Variants in ADAMTS19 observed in about 807,000 individuals in gnomAD.
ADAMTS19 encodes A disintegrin and metalloproteinase with thrombospondin motifs 19.
ADAMTS19 carries 93 observed loss-of-function variants against 153.3 expected under a neutral mutation model. The ratio of observed to expected loss-of-function variants is 0.61; its 90% CI spans 0.51 to 0.72. The LOEUF (loss-of-function observed/expected upper bound fraction) is 0.72, where lower values mean the gene tolerates loss of function less well. Among genes scored for constraint, ADAMTS19 ranks in the 30% least tolerant of loss-of-function variants. ADAMTS19 has a pLI of 0.00. For missense variants in ADAMTS19, 1,482 were observed against 1,552.1 expected, an observed-to-expected ratio of 0.95 and a Z score of 0.76; for synonymous variants, 600 against 556.6, an observed-to-expected ratio of 1.08 and a Z score of -1.10.
chr5:129,470,935 T>C (rs1750042742), intron 2 of ADAMTS19, among the ~76,000 whole-genome samples: 1 of 152,130 alleles, frequency 6.6e-6, no homozygotes, highest in African/African-American at 2.4e-5. Flanking sequence ...ACTCTTTTTG[T>C]AGTCTACTAG....
At chr5:129,595,987 C>T (rs1750356651) in intron 7 of ADAMTS19, among the ~76,000 whole-genome samples, 1 of 151,862 alleles carries the variant, frequency 6.6e-6, no homozygotes, top group African/African-American at 2.4e-5. Flanking sequence ...TACTATGCAA[C>T]ACACCATTTA....
intron 21 of ADAMTS19, among the ~76,000 whole-genome samples, chr5:129,723,465 A>G (rs1035273645): frequency 6.6e-6 from 1 of 152,190 alleles, no homozygotes; most frequent in African/African-American, 2.4e-5. Flanking sequence ...CTTGTTACCA[A>G]GTTGATTTGC....
chr5:129,591,481 T>C (rs989703848), intron 7 of ADAMTS19, among the ~76,000 whole-genome samples: 10 of 151,746 alleles, frequency 6.6e-5, no homozygotes, highest in Non-Finnish European at 1.0e-4. Flanking sequence ...TTAGTAGAGA[T>C]GGAGTTTCAC....
At chr5:129,467,081 A>G (rs1183351452) in intron 2 of ADAMTS19, among the ~76,000 whole-genome samples, 1 of 152,220 alleles carries the variant, frequency 6.6e-6, no homozygotes, top group Non-Finnish European at 1.5e-5. Context: ...ATATTTAAAT[A>G]TTGATTAAAT....
At position 129,701,612 on chromosome 5, in the gene ADAMTS19, C is replaced by A. The variant is rs1284313852; in HGVS notation, c.3159+20C>A. ...TCTGAGGTGCATACATGCCCCCTTTCTTTCCCCATTCCTACTCTGACTCCT... is the reference window on the plus strand; with the variant it reads ...TCTGAGGTGCATACATGCCCCCTTTATTTCCCCATTCCTACTCTGACTCCT... On this transcript the variant is annotated intron_variant, in intron 20 of 22. Coordinates refer to ENST00000274487, the MANE Select transcript of ADAMTS19 (RefSeq NM_133638.6). 1 of 1,611,870 alleles carries A rather than the reference C, an allele frequency of 6.2e-7. No individual in the cohort carries two copies. The highest frequency in any genetic ancestry group is 8.5e-7 in the Non-Finnish European group (1 of 1,178,614).
At chr5:129,665,941 C>T (rs1754034549) in intron 16 of ADAMTS19, among the ~76,000 whole-genome samples, 2 of 147,132 alleles carry the variant, frequency 1.4e-5, no homozygotes, top group Middle Eastern at 3.6e-3. Flanking sequence ...TACATACATT[C>T]ATATATACAT....
chr5:129,524,998 T>G (rs1751957527), intron 3 of ADAMTS19, among the ~76,000 whole-genome samples: 1 of 152,150 alleles, frequency 6.6e-6, no homozygotes, highest in African/African-American at 2.4e-5. Flanking sequence ...TTCCATAGTT[T>G]CACATGTTAC....
In ADAMTS19 at chr5:129,461,095, C is replaced by T. The variant is rs1749635254; in HGVS notation, c.92-7C>T. 3.6e-6 allele frequency: 5 copies of T among 1,389,884 alleles called. No homozygotes were observed. The highest frequency in any genetic ancestry group is 4.7e-6 in the Non-Finnish European group (5 of 1,073,556). The allele number at this position is 1,389,884 out of a possible 1,614,324, so 86.1% of individuals were successfully genotyped here. ...AAGCCCCGCACTTCTGTCTGCCCCGCCCGCAGAGCTGCAGTTCGCCCCCGA... is the reference window on the plus strand; with the variant it reads ...AAGCCCCGCACTTCTGTCTGCCCCGTCCGCAGAGCTGCAGTTCGCCCCCGA... On this transcript the variant is annotated splice_polypyrimidine_tract_variant and splice_region_variant and intron_variant, in intron 1 of 22. Coordinates refer to ENST00000274487, the MANE Select transcript of ADAMTS19 (RefSeq NM_133638.6). This position sits in a 1 kb window ranked among gnomAD's most constrained non-coding sequence, Gnocchi z 4.6.
chr5:129,734,951 A>G lies in ADAMTS19; in HGVS notation c.3332A>G (p.Lys1111Arg), dbSNP rs1187950384. ...TCCTAGTGCTCAATTACCTGTGGCA[A>G]AGGAATGCAGTCCCGTGTAATCCAA... ...DWSKCSITCG[K>R]GMQSRVIQCM... Residue 1111 changes from lysine (K) to arginine (R), a missense_variant, in exon 22 of 23, where the codon AAA becomes AGA. Lys to Arg is a conservative substitution (Grantham distance 26). Coordinates refer to ENST00000274487, the MANE Select transcript of ADAMTS19 (RefSeq NM_133638.6). The G allele has an allele frequency of 6.3e-7, 1 of 1,584,880 alleles. No homozygotes were observed. Among genetic ancestry groups the G allele is most frequent in the Non-Finnish European group, 8.6e-7 (1 of 1,168,792 alleles).
At chr5:129,497,317 A>G (rs950184074) in intron 2 of ADAMTS19, among the ~76,000 whole-genome samples, 5 of 151,854 alleles carry the variant, frequency 3.3e-5, no homozygotes, top group African/African-American at 1.2e-4. Context: ...TCCCAGTGTT[A>G]GGGTCCTCAG....
At chr5:129,581,099 C>A (rs909133803) in intron 7 of ADAMTS19, among the ~76,000 whole-genome samples, 2 of 152,218 alleles carry the variant, frequency 1.3e-5, no homozygotes, top group Non-Finnish European at 2.9e-5. Context: ...TTAATTACTG[C>A]CTCAATTTCA....
chr5:129,525,001 C>G (rs775914081), intron 3 of ADAMTS19, among the ~76,000 whole-genome samples: 8 of 152,100 alleles, frequency 5.3e-5, no homozygotes, highest in African/African-American at 7.2e-5. Context: ...CATAGTTTCA[C>G]ATGTTACAGC....
chr5:129,551,378 A>G (rs1753087787), intron 6 of ADAMTS19, among the ~76,000 whole-genome samples: 1 of 151,728 alleles, frequency 6.6e-6, no homozygotes, highest in Non-Finnish European at 1.5e-5. Flanking sequence ...ATTTCCTTAT[A>G]CCATTAATAA....
intron 16 of ADAMTS19, among the ~76,000 whole-genome samples, chr5:129,671,190 G>A (rs908974602): frequency 6.6e-6 from 1 of 152,174 alleles, no homozygotes; most frequent in Non-Finnish European, 1.5e-5. Context: ...GAGACCGGCT[G>A]CATAAACCTA....
chr5:129,725,764 C>A (rs1176791663), intron 21 of ADAMTS19, among the ~76,000 whole-genome samples: 1 of 152,006 alleles, frequency 6.6e-6, no homozygotes, highest in Non-Finnish European at 1.5e-5. Flanking sequence ...ACACTACCAC[C>A]CATTCATGGC....
At chr5:129,619,752 A>C (rs1751692198) in intron 8 of ADAMTS19, among the ~76,000 whole-genome samples, 2 of 152,052 alleles carry the variant, frequency 1.3e-5, no homozygotes, top group Admixed American at 6.6e-5. Flanking sequence ...TAATTTTAAT[A>C]GTAACTATAG....
chr5:129,592,929 A>G (rs1341024838), intron 7 of ADAMTS19, among the ~76,000 whole-genome samples: 1 of 152,166 alleles, frequency 6.6e-6, no homozygotes, highest in Admixed American at 6.5e-5. Flanking sequence ...GTATGCACTC[A>G]TCGTTTTTGA....
At chr5:129,706,522 T>TAACG (rs1418557136) in intron 21 of ADAMTS19, among the ~76,000 whole-genome samples, 1 of 136,610 alleles carries the variant, frequency 7.3e-6, no homozygotes, top group Non-Finnish European at 1.5e-5. Context: ...TGAGCCAAGA[T>TAACG]AACGCCATTG....
intron 6 of ADAMTS19, among the ~76,000 whole-genome samples, chr5:129,535,504 T>C (rs1752384602): frequency 6.6e-6 from 1 of 152,108 alleles, no homozygotes; most frequent in Non-Finnish European, 1.5e-5. Flanking sequence ...ATTTAGAGAT[T>C]CAATGCCATC....
Sources: allele counts gnomAD v4.1 joint callset (sites outside exome capture counted in the v4.1 genomes callset), GRCh38; gene constraint gnomAD v4.1.1; non-coding constraint Gnocchi (gnomAD v3.1); transcripts MANE v1.5; gene names NCBI Gene and HGNC (gene_info 2026-07-23, HGNC 2026-07-21).